Variants in SYNE2 observed in about 807,000 individuals in gnomAD.
SYNE2 encodes the protein nesprin-2.
Under a neutral mutation model 856.3 loss-of-function variants are expected in SYNE2, and 431 were observed. That is an observed-to-expected ratio of 0.50 (90% CI 0.47 to 0.55). SYNE2 has a LOEUF of 0.55. SYNE2 is among the 20% of genes least tolerant of loss of function. The pLI is 0.00. For missense variants in SYNE2, 8,129 were observed against 8,023.2 expected (o/e 1.01, Z -0.50); for synonymous variants, 2,923 against 2,872.3 (o/e 1.02, Z -0.56).
chr14:63,937,319 G>A (rs2095845955), intron 2 of SYNE2, among the ~76,000 whole-genome samples: 1 of 152,216 alleles, frequency 6.6e-6, no homozygotes, highest in Non-Finnish European at 1.5e-5. Flanking sequence ...TTTGTTTTTG[G>A]ATGGGAGAAT....
chr14:64,109,098 C>T (rs1019485587), intron 65 of SYNE2, among the ~76,000 whole-genome samples: 7 of 151,942 alleles, frequency 4.6e-5, no homozygotes, highest in African/African-American at 1.7e-4. Flanking sequence ...TGGTCTCGAA[C>T]TCCTGGTCTC....
chr14:63,995,276 G>A, intron 23 of SYNE2, 74 bp downstream of exon 23: 1 of 1,372,496 alleles, frequency 7.3e-7, no homozygotes, highest in East Asian at 2.4e-5. Flanking sequence ...TGTATCTTTA[G>A]CCTAGGATGA....
chr14:64,129,197 C>T (rs755424409), intron 74 of SYNE2, among the ~76,000 whole-genome samples: 3 of 152,190 alleles, frequency 2.0e-5, no homozygotes, highest in Non-Finnish European at 4.4e-5. Flanking sequence ...GTCCCACCTA[C>T]TCCGGAGGCT....
At chr14:63,974,888 G>GTATATATATA (rs1370206967) in intron 11 of SYNE2, among the ~76,000 whole-genome samples, 31 of 26,428 alleles carry the variant, frequency 1.2e-3, no homozygotes, top group Admixed American at 1.8e-3. Context: ...GTGTGTGTGT[G>GTATATATATA]TGTGTATATA....
At chr14:63,881,185 G>A (rs2094855304) in intron 1 of SYNE2, among the ~76,000 whole-genome samples, 1 of 151,552 alleles carries the variant, frequency 6.6e-6, no homozygotes, top group African/African-American at 2.4e-5. Context: ...CTGTGTGTTG[G>A]CTAGGCTGGT....
Position 64,163,599 on chromosome 14 carries a change from A to G in SYNE2, c.16479+18A>G. The G allele has an allele frequency of 6.2e-7, 1 of 1,613,724 alleles. No homozygotes were observed. Among genetic ancestry groups the G allele is most frequent in the South Asian group, 1.1e-5 (1 of 91,062 alleles). On this transcript the variant is annotated intron_variant, in intron 89 of 115. Coordinates refer to ENST00000555002, the MANE Select transcript of SYNE2 (RefSeq NM_182914.3). ...AATTTGAGGTTCATCTTTTCTTTCC[A>G]TTCAAGTTTTAGTCTTAGACATTTG...
intron 99 of SYNE2, among the ~76,000 whole-genome samples, chr14:64,201,325 A>G (rs56237903): frequency 0.01 from 1,586 of 152,354 alleles, 16 homozygotes; most frequent in Non-Finnish European, 0.017. Context: ...TAATGGAACT[A>G]GAAGTCAGTC....
chr14:63,948,802 A>ATGTGTGTGTGTG (rs1158609856), intron 6 of SYNE2, among the ~76,000 whole-genome samples: 2,124 of 107,184 alleles, frequency 0.02, 174 homozygotes, highest in African/African-American at 0.071. Context: ...ATATATATAT[A>ATGTGTGTGTGTG]TATATATATA....
intron 1 of SYNE2, chr14:63,864,540 T>C (rs372164398): frequency 3.9e-5 from 6 of 152,376 alleles, no homozygotes; most frequent in South Asian, 2.1e-4. Flanking sequence ...GCAACTGCTG[T>C]TGATTTCAGG....
chr14:63,847,949 C>T (rs531382729), intron 1 of SYNE2, among the ~76,000 whole-genome samples: 1 of 151,682 alleles, frequency 6.6e-6, no homozygotes, highest in South Asian at 2.1e-4. Flanking sequence ...TGCAGTGGTG[C>T]AATCTCAACT....
intron 78 of SYNE2, among the ~76,000 whole-genome samples, chr14:64,137,487 G>A (rs2098103542): frequency 6.6e-6 from 1 of 152,148 alleles, no homozygotes; most frequent in Non-Finnish European, 1.5e-5. Flanking sequence ...CAGACCTCAG[G>A]TGATCTGCCT....
At chr14:64,151,474 CA>C (rs140350904) in intron 84 of SYNE2, among the ~76,000 whole-genome samples, 1 of 16,972 alleles carries the variant, frequency 5.9e-5, no homozygotes, top group Admixed American at 8.3e-4. Context: ...AAGCAATTTT[CA>C]AAAAAAAAGC....
At chr14:64,115,212 G>A (rs2097844945) in intron 66 of SYNE2, among the ~76,000 whole-genome samples, 1 of 152,176 alleles carries the variant, frequency 6.6e-6, no homozygotes, top group African/African-American at 2.4e-5. Context: ...GGATTTCCAG[G>A]CTGCTCAAGG....
chr14:63,923,238 A>G (rs1354633594), intron 2 of SYNE2, among the ~76,000 whole-genome samples: 1 of 152,252 alleles, frequency 6.6e-6, no homozygotes, highest in East Asian at 1.9e-4. Flanking sequence ...TGCTAAAAAT[A>G]CAAGACTTGC....
At chr14:64,066,772 T>C (rs1448343545) in intron 51 of SYNE2, among the ~76,000 whole-genome samples, 1 of 152,230 alleles carries the variant, frequency 6.6e-6, no homozygotes, top group Non-Finnish European at 1.5e-5. Flanking sequence ...AGTTCACACC[T>C]GTTCTCACTG....
chr14:64,156,170 C>T (rs1423521386), intron 85 of SYNE2, among the ~76,000 whole-genome samples: 3 of 152,104 alleles, frequency 2.0e-5, no homozygotes, highest in Non-Finnish European at 4.4e-5. Flanking sequence ...CATCCTTTCC[C>T]TCAAACCTCA....
chr14:64,144,550 A>G (rs2098165782), intron 83 of SYNE2, among the ~76,000 whole-genome samples: 2 of 152,230 alleles, frequency 1.3e-5, no homozygotes, highest in East Asian at 1.9e-4. Flanking sequence ...GCAAATAAAC[A>G]TGGAAAGATA....
In SYNE2 at chr14:64,130,219, G is replaced by A; in HGVS notation, c.14311G>A (p.Ala4771Thr). The A allele has an allele frequency of 6.2e-7, 1 of 1,613,460 alleles. No individual in the cohort carries two copies. Among genetic ancestry groups the A allele is most frequent in the Non-Finnish European group, 8.5e-7 (1 of 1,179,702 alleles). ...CTTAAAACAAACCAAAAGTAAAGTG[G>A]CGTTACAGGCTCAAATAGAAAATCA... ...GHLKQTKSKVALQAQIENHKV... is the reference protein window; with the variant it reads ...GHLKQTKSKVTLQAQIENHKV... Residue 4771 changes from alanine to threonine, a missense_variant, in exon 76 of 116, where the codon GCG (alanine) becomes ACG (threonine). This residue lies in a region of SYNE2 where 5,410 missense variants were observed against 5,284.8 expected (regional missense o/e 1.02). Coordinates refer to ENST00000555002, the MANE Select transcript of SYNE2 (RefSeq NM_182914.3).
intron 1 of SYNE2, among the ~76,000 whole-genome samples, chr14:63,908,136 T>C (rs1022624554): frequency 6.6e-6 from 1 of 152,210 alleles, no homozygotes; most frequent in African/African-American, 2.4e-5. Flanking sequence ...CTCATACTTA[T>C]CTTTTAGTTC....
Sources: allele counts gnomAD v4.1 joint callset (sites outside exome capture counted in the v4.1 genomes callset), GRCh38; gene constraint gnomAD v4.1.1; regional missense constraint gnomAD v4.1.1; transcripts MANE v1.5; gene names NCBI Gene and HGNC (gene_info 2026-07-23, HGNC 2026-07-21).